The following TM9SF4 variants were observed in gnomAD, a reference collection of about 807,000 sequenced individuals.
TM9SF4 encodes the protein transmembrane 9 superfamily member 4, also known as dinucleotide oxidase disulfide thiol exchanger 3 superfamily member 4.
TM9SF4 carries 26 observed loss-of-function variants against 90.4 expected under a neutral mutation model. The observed-to-expected ratio is 0.29, with a 90% CI of 0.21 to 0.40. The LOEUF (loss-of-function observed/expected upper bound fraction) is 0.40, where lower values mean the gene tolerates loss of function less well. Ranked by LOEUF, TM9SF4 falls within the 10% of genes least tolerant of loss-of-function variation. The pLI is 1.00. For missense variants in TM9SF4, 549 were observed against 834.8 expected (o/e 0.66, Z 4.22); for synonymous variants, 293 against 315.4 (o/e 0.93, Z 0.75).
chr20:32,135,460 T>C (rs1398244329), intron 2 of TM9SF4, among the ~76,000 whole-genome samples: 6 of 152,186 alleles, frequency 3.9e-5, no homozygotes, highest in Non-Finnish European at 5.9e-5. Context: ...GAAACTGATT[T>C]TTTAAAAAAC....
intron 1 of TM9SF4, among the ~76,000 whole-genome samples, chr20:32,114,611 G>A (rs2046194305): frequency 6.6e-6 from 1 of 152,202 alleles, no homozygotes. Context: ...GGGATTACAG[G>A]TGTGAGTCAC....
chr20:32,134,278 G>C (rs2046563443), intron 2 of TM9SF4, among the ~76,000 whole-genome samples: 1 of 152,192 alleles, frequency 6.6e-6, no homozygotes, highest in Non-Finnish European at 1.5e-5. Context: ...AAGAGAGGGA[G>C]TGGGAGGCAA....
chr20:32,163,721 C>T (rs1418588154), intron 17 of TM9SF4, among the ~76,000 whole-genome samples: 4 of 150,760 alleles, frequency 2.7e-5, no homozygotes, highest in African/African-American at 9.8e-5. Flanking sequence ...CAGCGATTCT[C>T]CTGCCTCTGC....
intron 1 of TM9SF4, among the ~76,000 whole-genome samples, chr20:32,121,242 T>C (rs2046301958): frequency 6.6e-6 from 1 of 151,198 alleles, no homozygotes. Flanking sequence ...CTTGGGTGTT[T>C]CTCACAGAGG....
At chr20:32,124,731 C>G (rs932376866) in intron 1 of TM9SF4, among the ~76,000 whole-genome samples, 1 of 152,158 alleles carries the variant, frequency 6.6e-6, no homozygotes, top group Admixed American at 6.5e-5. Flanking sequence ...GGATTACAGG[C>G]GTGTGCCACC....
intron 1 of TM9SF4, among the ~76,000 whole-genome samples, chr20:32,113,156 AGCTGGGTT>A (rs1022442216): frequency 5.9e-5 from 9 of 152,270 alleles, no homozygotes; most frequent in Admixed American, 5.9e-4. Context: ...CCGTGGGAAT[AGCTGGGTT>A]GCTGGTTTGT....
chr20:32,151,395 C>T (rs946468893), intron 12 of TM9SF4, among the ~76,000 whole-genome samples: 1 of 151,924 alleles, frequency 6.6e-6, no homozygotes, highest in Non-Finnish European at 1.5e-5. Flanking sequence ...GAGGGGGTCT[C>T]GAGATTGACC....
At chr20:32,150,999 A>G (rs759105625) in intron 12 of TM9SF4, 124 bp downstream of exon 12, 37 of 1,171,914 alleles carry the variant, frequency 3.2e-5, no homozygotes, top group Admixed American at 1.8e-4. Context: ...GCAGCAAGAC[A>G]TAGCAGGAGC....
At chr20:32,122,209 A>G (rs2046327125) in intron 1 of TM9SF4, among the ~76,000 whole-genome samples, 2 of 119,010 alleles carry the variant, frequency 1.7e-5, no homozygotes, top group African/African-American at 6.6e-5. Context: ...CCGGGGGCTG[A>G]TGCCCCCACC....
At chr20:32,119,360 C>A (rs2046272989) in intron 1 of TM9SF4, among the ~76,000 whole-genome samples, 1 of 152,134 alleles carries the variant, frequency 6.6e-6, no homozygotes, top group Non-Finnish European at 1.5e-5. Context: ...CTTTGGGAGG[C>A]CGAGGCAAGC....
chr20:32,134,734 A>G (rs933844890), intron 2 of TM9SF4, among the ~76,000 whole-genome samples: 3 of 151,232 alleles, frequency 2.0e-5, no homozygotes, highest in Admixed American at 6.6e-5. Flanking sequence ...GTGCAGTGGC[A>G]TGATCTCTGC....
chr20:32,162,411 G>A (rs1290078817), intron 17 of TM9SF4, among the ~76,000 whole-genome samples: 1 of 152,170 alleles, frequency 6.6e-6, no homozygotes, highest in Non-Finnish European at 1.5e-5. Flanking sequence ...TAGCTCAGGG[G>A]TCAGCAAACT....
intron 1 of TM9SF4, among the ~76,000 whole-genome samples, chr20:32,115,807 C>T (rs10432763): frequency 0.42 from 39,872 of 95,840 alleles, 8,913 homozygotes; most frequent in East Asian, 0.79. Context: ...CCACTTTAAG[C>T]TTTTTTTTTT....
At chr20:32,161,181 CT>C in intron 16 of TM9SF4, 94 bp from the exon 17 acceptor site, 2 of 994,724 alleles carry the variant, frequency 2.0e-6, no homozygotes, top group Non-Finnish European at 3.2e-6. Context: ...TGTTACTGCT[CT>C]TACCAGAGTC....
At chr20:32,160,998 T>C (rs1158375487) in intron 16 of TM9SF4, 1 of 220,906 alleles carries the variant, frequency 4.5e-6, no homozygotes, top group Admixed American at 5.7e-5. Context: ...TGCCACATGC[T>C]AAGCATTTGC....
intron 16 of TM9SF4, 55 bp from the exon 17 acceptor site, chr20:32,161,221 G>T (rs1223122245): frequency 8.7e-6 from 13 of 1,501,108 alleles, no homozygotes; most frequent in Non-Finnish European, 9.3e-6. Context: ...TGTGAAATTG[G>T]TAGGAAGGGG....
At chr20:32,138,947 G>A (rs1387576073) in intron 3 of TM9SF4, among the ~76,000 whole-genome samples, 1 of 152,194 alleles carries the variant, frequency 6.6e-6, no homozygotes, top group Non-Finnish European at 1.5e-5. Context: ...TCTATAAAAT[G>A]CCATTTCAGC....
At chr20:32,129,810 C>A (rs2046484572) in intron 1 of TM9SF4, among the ~76,000 whole-genome samples, 1 of 152,056 alleles carries the variant, frequency 6.6e-6, no homozygotes. Flanking sequence ...GTCTCGAACT[C>A]CTGACCTCAG....
chr20:32,135,060 C>G (rs987294529), intron 2 of TM9SF4, among the ~76,000 whole-genome samples: 17 of 152,132 alleles, frequency 1.1e-4, no homozygotes, highest in African/African-American at 4.1e-4. Context: ...GTCAATAGTT[C>G]CTAAATAGTA....
Sources: gnomAD v4.1 joint callset for allele counts (sites outside exome capture counted in the v4.1 genomes callset) on GRCh38, gnomAD v4.1.1 for gene constraint, MANE v1.5 for transcripts, NCBI Gene and HGNC (gene_info 2026-07-23, HGNC 2026-07-21) for gene names.